Variants in SAMD4A observed in about 807,000 individuals in gnomAD.
The protein encoded by SAMD4A is sterile alpha motif domain containing 4A.
Under a neutral mutation model 81.3 loss-of-function variants are expected in SAMD4A, and 33 were observed. The observed-to-expected ratio is 0.41, with a 90% CI of 0.31 to 0.54. SAMD4A has a LOEUF of 0.54. Among genes scored for constraint, SAMD4A ranks in the 20% least tolerant of loss-of-function variants. The pLI is 0.37. For synonymous variants in SAMD4A, 389 were observed against 382.1 expected (o/e 1.02, Z -0.21); for missense variants, 854 against 951.1 (o/e 0.90, Z 1.34).
chr14:54,567,789 G>T lies in SAMD4A; in HGVS notation c.-128G>T. On this transcript the variant is annotated 5_prime_UTR_variant, in exon 2 of 13. Coordinates refer to ENST00000554335, the MANE Select transcript of SAMD4A (RefSeq NM_015589.6). Reference sequence around the variant, plus strand: ...CCCAGGCAGTACCTGCAGCGTCCGGGCACCAGAGCCACCTTGGAACAGGAA... The same window carrying T: ...CCCAGGCAGTACCTGCAGCGTCCGGTCACCAGAGCCACCTTGGAACAGGAA... 1 of 923,582 alleles carries T rather than the reference G, an allele frequency of 1.1e-6. No homozygotes were observed. Among genetic ancestry groups the T allele is most frequent in the Non-Finnish European group, 1.6e-6 (1 of 635,352 alleles). The allele number at this position is 923,582 out of a possible 1,614,324, so 57.2% of individuals were successfully genotyped here. A position where few individuals can be genotyped will look rare whatever the true frequency, so the allele number is the denominator to read the frequency against.
At chr14:54,582,636 G>T (rs1376584497) in intron 2 of SAMD4A, among the ~76,000 whole-genome samples, 1 of 152,174 alleles carries the variant, frequency 6.6e-6, no homozygotes, top group African/African-American at 2.4e-5. Flanking sequence ...TTGGATCCTG[G>T]ATTGGGAAAA....
At chr14:54,722,908 G>A (rs145717568) in intron 3 of SAMD4A, among the ~76,000 whole-genome samples, 23 of 152,190 alleles carry the variant, frequency 1.5e-4, no homozygotes, top group African/African-American at 5.5e-4. Flanking sequence ...ATAAACAATA[G>A]CAACAACTTC....
chr14:54,757,413 G>GTC (rs1360460934), intron 6 of SAMD4A, among the ~76,000 whole-genome samples: 1 of 146,720 alleles, frequency 6.8e-6, no homozygotes, highest in Non-Finnish European at 1.5e-5. Context: ...GTGTGTGTGT[G>GTC]TGTGTGTGTG....
At chr14:54,685,631 G>C (rs1482158342) in intron 2 of SAMD4A, 1 of 449,310 alleles carries the variant, frequency 2.2e-6, no homozygotes, top group Admixed American at 2.4e-5. Flanking sequence ...TTAGCCAAAT[G>C]GTTAGAAGTT....
chr14:54,566,340 G>T (rs1186996273), upstream of SAMD4A, among the ~76,000 whole-genome samples: 1 of 151,648 alleles, frequency 6.6e-6, no homozygotes, highest in Non-Finnish European at 1.5e-5. Flanking sequence ...GGCCCTCGGC[G>T]GGGGACCCGC....
At chr14:54,747,548 G>A (rs190819235) in intron 4 of SAMD4A, among the ~76,000 whole-genome samples, 63 of 152,334 alleles carry the variant, frequency 4.1e-4, no homozygotes, top group Admixed American at 3.7e-3. Context: ...TCAGAATAAA[G>A]CATTTAGCAA....
At chr14:54,763,268 A>C (rs1282547969) in intron 7 of SAMD4A, among the ~76,000 whole-genome samples, 1 of 151,910 alleles carries the variant, frequency 6.6e-6, no homozygotes, top group East Asian at 1.9e-4. Context: ...TAATCCCGGC[A>C]CTTTGGGAGG....
At chr14:54,771,039 G>A (rs1435504130) in intron 9 of SAMD4A, among the ~76,000 whole-genome samples, 1 of 151,818 alleles carries the variant, frequency 6.6e-6, no homozygotes, top group African/African-American at 2.4e-5. Flanking sequence ...TTCATTTCTC[G>A]GTGCATGTAT....
At chr14:54,566,020 T>TC (rs1352825560), upstream of SAMD4A, among the ~76,000 whole-genome samples, 39 of 150,684 alleles carry the variant, frequency 2.6e-4, no homozygotes, top group African/African-American at 9.0e-4. Flanking sequence ...CGGGTTCCTC[T>TC]CCCCCCGCTC....
chr14:54,784,414 C>T (rs1471318108), intron 11 of SAMD4A, 123 bp from the exon 12 acceptor site: 1 of 1,601,186 alleles, frequency 6.2e-7, no homozygotes, highest in Admixed American at 1.7e-5. Context: ...CCCTTCCATG[C>T]CAGCGCTGAC....
chr14:54,635,175 C>A (rs949548390), intron 2 of SAMD4A, among the ~76,000 whole-genome samples: 1 of 152,160 alleles, frequency 6.6e-6, no homozygotes, highest in African/African-American at 2.4e-5. Context: ...GTAATCCCAC[C>A]ACTTTGGGAG....
chr14:54,704,310 G>A (rs957748808), intron 3 of SAMD4A, among the ~76,000 whole-genome samples: 2 of 152,180 alleles, frequency 1.3e-5, no homozygotes, highest in Non-Finnish European at 2.9e-5. Flanking sequence ...TCTAGTAATT[G>A]TTACAAAACT....
At chr14:54,606,183 C>CTGTGTGTGTG (rs57209362) in intron 2 of SAMD4A, among the ~76,000 whole-genome samples, 2,350 of 146,636 alleles carry the variant, frequency 0.016, 31 homozygotes, top group African/African-American at 0.024. Context: ...TACTTCTGGG[C>CTGTGTGTGTG]TGTGTGTGTG....
At chr14:54,724,397 G>A (rs1226866795) in intron 3 of SAMD4A, among the ~76,000 whole-genome samples, 1 of 152,206 alleles carries the variant, frequency 6.6e-6, no homozygotes, top group Non-Finnish European at 1.5e-5. Context: ...TGAAATGGGG[G>A]TGGGAAGAGG....
At chr14:54,571,521 T>A (rs1279150003) in intron 2 of SAMD4A, among the ~76,000 whole-genome samples, 1 of 152,220 alleles carries the variant, frequency 6.6e-6, no homozygotes, top group East Asian at 1.9e-4. Context: ...TATTTATGGC[T>A]TTTGTCACTT....
intron 2 of SAMD4A, among the ~76,000 whole-genome samples, chr14:54,625,818 T>G (rs750186111): frequency 2.0e-5 from 3 of 152,214 alleles, no homozygotes; most frequent in Non-Finnish European, 2.9e-5. Flanking sequence ...TACTTGACTT[T>G]GCCTATTTTC....
At chr14:54,653,469 A>C (rs2035453431) in intron 2 of SAMD4A, among the ~76,000 whole-genome samples, 1 of 151,750 alleles carries the variant, frequency 6.6e-6, no homozygotes, top group African/African-American at 2.4e-5. Context: ...CCTCCTGAGT[A>C]GCTGGGATTA....
rs567324359 is a variant in SAMD4A at position 54,767,112 on chromosome 14, T to C, written c.1596+2572T>C. 3.2e-4 allele frequency among the ~76,000 whole-genome samples: 48 copies of C among 152,204 alleles called. 1 individual carries two copies. The South Asian group carries it at 6.6e-3, about 21-fold the overall frequency. ...GCTGCTTTGGAAGGGAAAATGTTGT[T>C]CAGGGCTTTTTATGATTTTACTTTG... is the stretch of plus-strand genomic sequence containing the variant. On this transcript the variant is annotated intron_variant, in intron 8 of 12. Coordinates refer to ENST00000554335, the MANE Select transcript of SAMD4A (RefSeq NM_015589.6).
intron 2 of SAMD4A, among the ~76,000 whole-genome samples, chr14:54,662,761 C>T (rs1020843328): frequency 2.0e-5 from 3 of 152,060 alleles, no homozygotes; most frequent in African/African-American, 7.2e-5. Flanking sequence ...AGGGAGGGTC[C>T]TTGTGGCCAC....
Sources: allele counts gnomAD v4.1 joint callset (sites outside exome capture counted in the v4.1 genomes callset), GRCh38; gene constraint gnomAD v4.1.1; transcripts MANE v1.5; gene names NCBI Gene and HGNC (gene_info 2026-07-23, HGNC 2026-07-21).